The following AK4 variants were observed in gnomAD, a reference collection of about 807,000 sequenced individuals.
AK4 encodes adenylate kinase 4.
AK4 carries 13 observed loss-of-function variants against 24.6 expected under a neutral mutation model. That is an observed-to-expected ratio of 0.53 (90% CI 0.34 to 0.84). The LOEUF (loss-of-function observed/expected upper bound fraction) is 0.84. AK4 is among the 40% of genes least tolerant of loss of function. The pLI, the probability that AK4 is intolerant of heterozygous loss-of-function variation, is 0.01. For missense variants in AK4, 192 were observed against 288.2 expected (o/e 0.67, Z 2.42); for synonymous variants, 88 against 107.0 (o/e 0.82, Z 1.10).
At position 65,148,567 on chromosome 1, in the gene AK4, G is replaced by A. The variant is rs371888805; in HGVS notation, c.145+15G>A. The A allele has an allele frequency of 1.4e-5, 22 of 1,592,238 alleles. No individual in the cohort carries two copies. Among genetic ancestry groups the A allele is most frequent in the South Asian group, 2.3e-5 (2 of 88,148 alleles). The stretch of plus-strand genomic sequence containing the variant: ...GGCCAGCACCGGTGAGGGGCTGCGG[G>A]GACGAGGGCCGGGGGCGAGCCGCGT... On this transcript the variant is annotated intron_variant, in intron 1 of 4. Transcript: ENST00000327299.
intron 2 of AK4, among the ~76,000 whole-genome samples, chr1:65,203,260 G>A (rs1651718690): frequency 6.6e-6 from 1 of 152,132 alleles, no homozygotes; most frequent in East Asian, 1.9e-4. Flanking sequence ...GGTTTGTGAG[G>A]ATTGACTAAC....
chr1:65,175,073 A>G (rs375196955), intron 1 of AK4, among the ~76,000 whole-genome samples: 58 of 152,340 alleles, frequency 3.8e-4, no homozygotes, highest in African/African-American at 1.3e-3. Flanking sequence ...TAAACAACCA[A>G]AATAGTGGTC....
At chr1:65,168,061 C>G (rs1318096538) in intron 1 of AK4, among the ~76,000 whole-genome samples, 1 of 152,080 alleles carries the variant, frequency 6.6e-6, no homozygotes, top group Non-Finnish European at 1.5e-5. Context: ...TTCACCATGA[C>G]CCTTTTAAAC....
intron 1 of AK4, among the ~76,000 whole-genome samples, chr1:65,152,350 C>G (rs55923786): frequency 2.2e-5 from 1 of 44,608 alleles, no homozygotes; most frequent in African/African-American, 1.0e-4. Context: ...CTCTCTCTCT[C>G]TCTCTCTCTC....
intron 1 of AK4, among the ~76,000 whole-genome samples, chr1:65,178,118 G>A (rs1353844608): frequency 6.6e-6 from 1 of 152,134 alleles, no homozygotes; most frequent in Non-Finnish European, 1.5e-5. Context: ...GGATGGGAAG[G>A]TGGAAGAGTT....
chr1:65,153,796 G>C (rs938872006), intron 1 of AK4, among the ~76,000 whole-genome samples: 1 of 152,142 alleles, frequency 6.6e-6, no homozygotes, highest in African/African-American at 2.4e-5. Context: ...CAATGAGCTT[G>C]TGATGATTAG....
chr1:65,202,377 A>G (rs746111735), intron 2 of AK4, among the ~76,000 whole-genome samples: 1 of 152,220 alleles, frequency 6.6e-6, no homozygotes, highest in Non-Finnish European at 1.5e-5. Context: ...AGCCTGGGCA[A>G]CTGAGTGAGA....
intron 2 of AK4, among the ~76,000 whole-genome samples, chr1:65,200,947 C>T (rs948634842): frequency 2.0e-5 from 3 of 152,130 alleles, no homozygotes; most frequent in Admixed American, 2.0e-4. Context: ...GGCAGTGCCA[C>T]CACGCCCAGC....
intron 1 of AK4, among the ~76,000 whole-genome samples, chr1:65,151,135 G>A (rs917919584): frequency 1.3e-5 from 2 of 151,874 alleles, no homozygotes; most frequent in South Asian, 2.1e-4. Context: ...TGTATTTTTC[G>A]TAGAGATAGG....
intron 1 of AK4, among the ~76,000 whole-genome samples, chr1:65,189,450 G>C (rs1336388150): frequency 6.6e-6 from 1 of 151,436 alleles, no homozygotes; most frequent in South Asian, 2.1e-4. Flanking sequence ...GGCTAGTTTT[G>C]TATTTTTAGT....
chr1:65,202,530 A>G (rs911127096), intron 2 of AK4, among the ~76,000 whole-genome samples: 1 of 152,196 alleles, frequency 6.6e-6, no homozygotes, highest in Non-Finnish European at 1.5e-5. Flanking sequence ...CACCTAGCCC[A>G]TTTGCCATTG....
chr1:65,151,484 T>C (rs1649769431), intron 1 of AK4, among the ~76,000 whole-genome samples: 1 of 152,142 alleles, frequency 6.6e-6, no homozygotes, highest in African/African-American at 2.4e-5. Context: ...GGTCTCAAAC[T>C]CTTGGCTCAG....
At chr1:65,188,118 G>C (rs924446839) in intron 1 of AK4, among the ~76,000 whole-genome samples, 15 of 152,176 alleles carry the variant, frequency 9.9e-5, no homozygotes, top group African/African-American at 3.6e-4. Flanking sequence ...GGGGAGGCCA[G>C]GCATGGTGTC....
At chr1:65,213,040 T>A (rs984351945) in intron 2 of AK4, among the ~76,000 whole-genome samples, 8 of 152,228 alleles carry the variant, frequency 5.3e-5, no homozygotes, top group African/African-American at 1.7e-4. Flanking sequence ...TTGTGAATGC[T>A]TCTAGAAAAG....
chr1:65,168,216 C>T (rs1159986868), intron 1 of AK4, among the ~76,000 whole-genome samples: 2 of 148,762 alleles, frequency 1.3e-5, no homozygotes, highest in Non-Finnish European at 3.0e-5. Context: ...GGTGCGACCT[C>T]AGCTTATTGC....
chr1:65,150,733 C>A (rs180698107), intron 1 of AK4, among the ~76,000 whole-genome samples: 2 of 152,122 alleles, frequency 1.3e-5, no homozygotes, highest in Non-Finnish European at 2.9e-5. Context: ...GACGATGAAG[C>A]ACAACAAAAA....
chr1:65,188,542 G>A (rs1284425799), intron 1 of AK4, among the ~76,000 whole-genome samples: 1 of 151,978 alleles, frequency 6.6e-6, no homozygotes, highest in Non-Finnish European at 1.5e-5. Context: ...GCAGTGGCGT[G>A]ATCTTGGCTC....
intron 2 of AK4, among the ~76,000 whole-genome samples, chr1:65,202,387 A>T (rs1006380798): frequency 7.2e-5 from 11 of 152,116 alleles, no homozygotes; most frequent in Admixed American, 2.0e-4. Context: ...ACTGAGTGAG[A>T]CTCCGTCTCA....
At chr1:65,187,729 T>C (rs1651150584) in intron 1 of AK4, among the ~76,000 whole-genome samples, 1 of 152,202 alleles carries the variant, frequency 6.6e-6, no homozygotes, top group Non-Finnish European at 1.5e-5. Flanking sequence ...ACTTAATTAA[T>C]GGTGGTGGTT....
Sources: gnomAD v4.1 joint callset for allele counts (sites outside exome capture counted in the v4.1 genomes callset) on GRCh38, gnomAD v4.1.1 for gene constraint, MANE v1.5 for transcripts, NCBI Gene and HGNC (gene_info 2026-07-23, HGNC 2026-07-21) for gene names.